The following SLC24A2 variants were observed in gnomAD, a reference collection of about 807,000 sequenced individuals.
SLC24A2 encodes sodium/potassium/calcium exchanger 2.
In SLC24A2, 36 loss-of-function variants were observed where a neutral mutation model predicts 62.0. The observed-to-expected ratio is 0.58, with a 90% CI of 0.44 to 0.77. The LOEUF (loss-of-function observed/expected upper bound fraction) is 0.77. Ranked by LOEUF, SLC24A2 falls within the 30% of genes least tolerant of loss-of-function variation. The pLI, the probability that SLC24A2 is intolerant of heterozygous loss-of-function variation, is 0.00. For missense variants in SLC24A2, 846 were observed against 817.9 expected (o/e 1.03, Z -0.42); for synonymous variants, 358 against 294.0 (o/e 1.22, Z -2.23).
chr9:20,280,515 T>C, the SLC24A2 span, among the ~76,000 whole-genome samples: 1 of 152,150 alleles, frequency 6.6e-6, no homozygotes. Flanking sequence ...CCTGAATGAT[T>C]GTGCAAGAAT....
chr9:20,186,722 C>G, the SLC24A2 span, among the ~76,000 whole-genome samples: 1 of 152,112 alleles, frequency 6.6e-6, no homozygotes, highest in Admixed American at 6.5e-5. Flanking sequence ...TAATGCCTAT[C>G]TCCTCAAATT....
the SLC24A2 span, among the ~76,000 whole-genome samples, chr9:19,878,942 G>T: frequency 6.6e-6 from 1 of 151,822 alleles, no homozygotes; most frequent in Non-Finnish European, 1.5e-5. Flanking sequence ...ATTCTCTCTA[G>T]AGCATGAAGA....
rs538514201 is a variant in SLC24A2, at chr9:19,555,270, A to T, written c.1348-5002T>A. 3.9e-5 allele frequency among the ~76,000 whole-genome samples: 6 copies of T among 152,352 alleles called. 1 individual carries two copies. The South Asian group carries it at 1.0e-3, about 26-fold the overall frequency. On this transcript the variant is annotated intron_variant, in intron 7 of 10. Transcript: ENST00000341998. ...TCTAGTGTTCTCTTTATGAGGACTC[A>T]AGGGAGAAACAGCTCTCAAATCTCA...
chr9:19,788,586 G>A (rs1388264155), intron 1 of SLC24A2: 3 of 985,312 alleles, frequency 3.0e-6, no homozygotes, highest in Non-Finnish European at 3.6e-6. Flanking sequence ...GCATCCCCCT[G>A]AGTCGTTTGT....
At chr9:19,529,786 G>A (rs868605289) in intron 8 of SLC24A2, among the ~76,000 whole-genome samples, 3 of 149,000 alleles carry the variant, frequency 2.0e-5, no homozygotes, top group African/African-American at 7.4e-5. Context: ...AGTCTCACTC[G>A]GTCACCCAGG....
At chr9:19,743,548 G>A (rs1032789721) in intron 2 of SLC24A2, among the ~76,000 whole-genome samples, 1 of 152,146 alleles carries the variant, frequency 6.6e-6, no homozygotes, top group Non-Finnish European at 1.5e-5. Context: ...GTAGCCCAGA[G>A]CAGTTACTGC....
At chr9:20,282,515 G>A in the SLC24A2 span, among the ~76,000 whole-genome samples, 1 of 152,172 alleles carries the variant, frequency 6.6e-6, no homozygotes, top group East Asian at 1.9e-4. Flanking sequence ...AGAGATTAAT[G>A]CCCCAAATCA....
intron 8 of SLC24A2, among the ~76,000 whole-genome samples, chr9:19,542,196 G>T (rs968150183): frequency 6.6e-6 from 1 of 152,158 alleles, no homozygotes; most frequent in Non-Finnish European, 1.5e-5. Context: ...GCTGTAGACC[G>T]GAGCTGTTCC....
chr9:19,664,479 T>C (rs1819191578), intron 2 of SLC24A2, among the ~76,000 whole-genome samples: 1 of 152,218 alleles, frequency 6.6e-6, no homozygotes, highest in South Asian at 2.1e-4. Context: ...ATTCCTGTTG[T>C]ATAAATGAGA....
chr9:19,756,214 A>G (rs997301720), intron 2 of SLC24A2, among the ~76,000 whole-genome samples: 1 of 152,204 alleles, frequency 6.6e-6, no homozygotes, highest in African/African-American at 2.4e-5. Context: ...TTTACCTCCA[A>G]ATGCCCAGCC....
At chr9:19,588,953 T>G (rs1341686762) in intron 5 of SLC24A2, among the ~76,000 whole-genome samples, 9 of 152,172 alleles carry the variant, frequency 5.9e-5, no homozygotes, top group Admixed American at 5.9e-4. Flanking sequence ...AGAGTGAGAC[T>G]CTGTCTCCAA....
chr9:19,531,932 T>A (rs1415988355), intron 8 of SLC24A2, among the ~76,000 whole-genome samples: 1 of 152,182 alleles, frequency 6.6e-6, no homozygotes, highest in Non-Finnish European at 1.5e-5. Context: ...CTCAGATAAT[T>A]ATATTTGTTA....
chr9:20,129,980 C>T, the SLC24A2 span, among the ~76,000 whole-genome samples: 1 of 125,012 alleles, frequency 8.0e-6, no homozygotes. Context: ...TTAAGATTTC[C>T]TAGAAGGTAG....
the SLC24A2 span, among the ~76,000 whole-genome samples, chr9:20,198,651 A>ATC: frequency 5.1e-4 from 75 of 148,104 alleles, no homozygotes; most frequent in South Asian, 1.5e-3. Context: ...GTCCCCTCGC[A>ATC]TCTCTCTCTC....
chr9:20,121,745 A>G, the SLC24A2 span, among the ~76,000 whole-genome samples: 1 of 152,104 alleles, frequency 6.6e-6, no homozygotes, highest in Non-Finnish European at 1.5e-5. Context: ...ACTCAAAGCC[A>G]CTCCTAAGCA....
At chr9:19,553,424 C>T (rs934851357) in intron 7 of SLC24A2, among the ~76,000 whole-genome samples, 1 of 152,156 alleles carries the variant, frequency 6.6e-6, no homozygotes, top group Non-Finnish European at 1.5e-5. Flanking sequence ...AGAAAGGATT[C>T]AAATGGCTTT....
intron 7 of SLC24A2, among the ~76,000 whole-genome samples, chr9:19,567,102 G>GTTCTTT (rs1835683916): frequency 1.4e-5 from 2 of 142,106 alleles, no homozygotes; most frequent in African/African-American, 5.3e-5. Context: ...AGAACTTAAA[G>GTTCTTT]TATAATAAAA....
the SLC24A2 span, among the ~76,000 whole-genome samples, chr9:19,992,812 TAAA>T: frequency 2.6e-5 from 4 of 152,194 alleles, no homozygotes; most frequent in Non-Finnish European, 1.5e-5. Flanking sequence ...CTTGTGACCT[TAAA>T]TAACCCACAA....
chr9:20,277,275 A>C, the SLC24A2 span, among the ~76,000 whole-genome samples: 1 of 152,154 alleles, frequency 6.6e-6, no homozygotes, highest in Admixed American at 6.5e-5. Flanking sequence ...CAGCAAAAGA[A>C]ACTACCATCA....
Sources: allele counts gnomAD v4.1 joint callset (sites outside exome capture counted in the v4.1 genomes callset), GRCh38; gene constraint gnomAD v4.1.1; transcripts MANE v1.5; gene names NCBI Gene and HGNC (gene_info 2026-07-23, HGNC 2026-07-21).